Variants in TP63 observed in about 807,000 individuals in gnomAD.
TP63 encodes tumor protein 63.
A neutral mutation model predicts 82.8 loss-of-function variants in TP63; 17 were observed. The ratio of observed to expected loss-of-function variants is 0.21; its 90% CI spans 0.14 to 0.31. TP63 has a LOEUF of 0.31. Among genes scored for constraint, TP63 ranks in the 10% least tolerant of loss-of-function variants. The pLI, the probability that TP63 is intolerant of heterozygous loss-of-function variation, is 1.00. For missense variants in TP63, 648 were observed against 895.3 expected (o/e 0.72, Z 3.52); for synonymous variants, 330 against 321.7 (o/e 1.03, Z -0.28).
intron 3 of TP63, among the ~76,000 whole-genome samples, chr3:189,750,455 G>C (rs1259848679): frequency 1.3e-5 from 2 of 152,150 alleles, no homozygotes; most frequent in African/African-American, 4.8e-5. Context: ...TATTTTCAAA[G>C]TACATAAAGG....
chr3:189,614,491 G>C, the TP63 span, among the ~76,000 whole-genome samples: 1 of 152,164 alleles, frequency 6.6e-6, no homozygotes, highest in Non-Finnish European at 1.5e-5. Context: ...TAGCTGCCCT[G>C]TATTGACAGC....
intron 10 of TP63, among the ~76,000 whole-genome samples, chr3:189,876,548 A>G (rs1325412488): frequency 6.6e-6 from 1 of 152,210 alleles, no homozygotes; most frequent in Non-Finnish European, 1.5e-5. Flanking sequence ...TAACTGTATT[A>G]TATGCATGCT....
At chr3:189,888,655 G>A (rs1720707860) in intron 11 of TP63, among the ~76,000 whole-genome samples, 1 of 152,074 alleles carries the variant, frequency 6.6e-6, no homozygotes, top group Non-Finnish European at 1.5e-5. Context: ...TATAAATATT[G>A]ATATTAAACT....
intron 10 of TP63, among the ~76,000 whole-genome samples, chr3:189,882,510 G>T: frequency 6.9e-6 from 1 of 144,594 alleles, no homozygotes; most frequent in East Asian, 2.0e-4. Context: ...AGGATGCTCT[G>T]CTCCGCCCTC....
At chr3:189,724,534 C>A (rs940348788) in intron 1 of TP63, among the ~76,000 whole-genome samples, 1 of 152,296 alleles carries the variant, frequency 6.6e-6, no homozygotes, top group Middle Eastern at 3.4e-3. Flanking sequence ...GCCTTTGCAT[C>A]CGCATGGCTT....
intron 3 of TP63, among the ~76,000 whole-genome samples, chr3:189,790,290 A>G (rs183220929): frequency 6.6e-6 from 1 of 152,082 alleles, no homozygotes; most frequent in East Asian, 1.9e-4. Flanking sequence ...TTTTTTCAAA[A>G]TAATCAGGTG....
chr3:189,759,228 C>G (rs1722394961), intron 3 of TP63, among the ~76,000 whole-genome samples: 1 of 152,150 alleles, frequency 6.6e-6, no homozygotes, highest in Non-Finnish European at 1.5e-5. Context: ...GGATATCACT[C>G]CAGATCTACT....
chr3:189,695,647 T>TA (rs1213967979), intron 1 of TP63, among the ~76,000 whole-genome samples: 1 of 152,218 alleles, frequency 6.6e-6, no homozygotes, highest in African/African-American at 2.4e-5. Context: ...TAGCTGTACC[T>TA]ATGCTGATTT....
intron 3 of TP63, among the ~76,000 whole-genome samples, chr3:189,762,723 T>C: frequency 6.6e-6 from 1 of 152,188 alleles, no homozygotes. Flanking sequence ...ACTTATTAGT[T>C]CAAGAAGCAC....
intron 10 of TP63, 99 bp from the exon 11 acceptor site, chr3:189,886,295 G>T: frequency 1.5e-6 from 2 of 1,326,384 alleles, no homozygotes; most frequent in African/African-American, 1.4e-5. Context: ...TCAAATGTTT[G>T]GTTTGAGGCC....
intron 11 of TP63, among the ~76,000 whole-genome samples, chr3:189,887,651 C>T (rs199856117): frequency 1.3e-5 from 2 of 152,096 alleles, no homozygotes; most frequent in Non-Finnish European, 2.9e-5. Context: ...ATAACACCCT[C>T]GGGGATACAG....
At chr3:189,645,674 G>A (rs1326692288) in intron 1 of TP63, among the ~76,000 whole-genome samples, 2 of 121,976 alleles carry the variant, frequency 1.6e-5, no homozygotes, top group African/African-American at 6.7e-5. Flanking sequence ...CCCCACGACA[G>A]GCTCCAGTGT....
chr3:189,615,471 CA>C, the TP63 span, among the ~76,000 whole-genome samples: 5 of 152,224 alleles, frequency 3.3e-5, no homozygotes, highest in African/African-American at 7.2e-5. Context: ...GCACGCATCA[CA>C]TTAACATAAT....
At chr3:189,717,886 A>C (rs980006339) in intron 1 of TP63, among the ~76,000 whole-genome samples, 3 of 152,236 alleles carry the variant, frequency 2.0e-5, no homozygotes, top group African/African-American at 2.4e-5. Context: ...TATTAAATGC[A>C]AGGGATAGAA....
intron 4 of TP63, among the ~76,000 whole-genome samples, chr3:189,849,053 A>G (rs184457189): frequency 1.1e-4 from 16 of 152,290 alleles, no homozygotes; most frequent in Admixed American, 9.8e-4. Flanking sequence ...TAGATAATGA[A>G]ACCTTCATAA....
At chr3:189,830,184 A>G (rs571984507) in intron 4 of TP63, among the ~76,000 whole-genome samples, 1 of 152,332 alleles carries the variant, frequency 6.6e-6, no homozygotes, top group South Asian at 2.1e-4. Context: ...AGATCTGACT[A>G]GGAGAATCTG....
intron 4 of TP63, among the ~76,000 whole-genome samples, chr3:189,818,289 A>C (rs1207717076): frequency 1.3e-5 from 2 of 152,170 alleles, no homozygotes; most frequent in East Asian, 3.9e-4. Context: ...GTCATCAAGT[A>C]AGTAATAGAT....
chr3:189,688,623 A>G (rs146664447), intron 1 of TP63, among the ~76,000 whole-genome samples: 3 of 152,278 alleles, frequency 2.0e-5, no homozygotes, highest in Non-Finnish European at 4.4e-5. Flanking sequence ...ATAGGGGTCA[A>G]TGCTGCAGGG....
At chr3:189,857,865 C>A (rs981532748) in intron 4 of TP63, among the ~76,000 whole-genome samples, 1 of 152,108 alleles carries the variant, frequency 6.6e-6, no homozygotes, top group African/African-American at 2.4e-5. Flanking sequence ...AGAAGAGAAC[C>A]TTTACATACT....
Sources: gnomAD v4.1 joint callset for allele counts (sites outside exome capture counted in the v4.1 genomes callset) on GRCh38, gnomAD v4.1.1 for gene constraint, MANE v1.5 for transcripts, NCBI Gene and HGNC (gene_info 2026-07-23, HGNC 2026-07-21) for gene names.